Variants in RIPOR1 observed in about 807,000 individuals in gnomAD.
The protein encoded by RIPOR1 is rho family-interacting cell polarization regulator 1.
RIPOR1 carries 58 observed loss-of-function variants against 116.5 expected under a neutral mutation model. The observed-to-expected ratio is 0.50, with a 90% CI of 0.40 to 0.62. The LOEUF (loss-of-function observed/expected upper bound fraction) is 0.62, where lower values mean the gene tolerates loss of function less well. RIPOR1 is among the 20% of genes least tolerant of loss of function. RIPOR1 has a pLI of 0.00. For synonymous variants in RIPOR1, 605 were observed against 650.0 expected, an observed-to-expected ratio of 0.93 and a Z score of 1.05; for missense variants, 1,372 against 1,586.2, an observed-to-expected ratio of 0.86 and a Z score of 2.29.
At position 67,546,514 on chromosome 16, in the gene RIPOR1, C is replaced by T. The variant is rs772437549; in HGVS notation, c.*51C>T. ...CCCCTTTCCCCCCACTTTCAGGGCTCACCAGGCACTGGCAGGGAGGGTAAG... is the reference window on the plus strand; with the variant it reads ...CCCCTTTCCCCCCACTTTCAGGGCTTACCAGGCACTGGCAGGGAGGGTAAG... On this transcript the variant is annotated 3_prime_UTR_variant, in exon 22 of 22. Transcript: ENST00000042381. 44 of 1,489,458 alleles carry T rather than the reference C, an allele frequency of 3.0e-5. No individual in the cohort carries two copies. Among genetic ancestry groups the T allele is most frequent in the African/African-American group, 1.1e-4 (8 of 72,530 alleles). The allele number at this position is 1,489,458 out of a possible 1,614,324, so 92.3% of individuals were successfully genotyped here. A position where few individuals can be genotyped will look rare whatever the true frequency, so the allele number is the denominator to read the frequency against.
intron 1 of RIPOR1, among the ~76,000 whole-genome samples, chr16:67,532,688 A>G (rs770307379): frequency 2.0e-5 from 3 of 152,170 alleles, no homozygotes; most frequent in Non-Finnish European, 2.9e-5. Context: ...GTCTTGCCCA[A>G]GGTCACACAG....
Position 67,542,199 on chromosome 16 carries a change from A to G in RIPOR1, c.1413A>G (p.Glu471=). The part of the protein sequence containing the change: ...AEASVEAVGP[E]SLAWGPSPPT... ...CTTCAGTGGAGGCCGTTGGCCCAGA[A>G]AGCCTAGCCTGGGGACCTAGCCCAC... Residue 471 remains glutamate, a synonymous_variant, in exon 13 of 22, where the codon GAA becomes GAG. Coordinates refer to ENST00000042381, the MANE Select transcript of RIPOR1 (RefSeq NM_024519.4). The surrounding 1 kb of genome is among the most constrained non-coding windows in gnomAD (Gnocchi z 4.6). 4.3e-6 allele frequency: 7 copies of G among 1,613,734 alleles called. No homozygotes were observed. The highest frequency in any genetic ancestry group is 5.9e-6 in the Non-Finnish European group (7 of 1,179,798).
chr16:67,545,879 C>A lies in RIPOR1; in HGVS notation c.3387+19C>A, dbSNP rs1339016938. On this transcript the variant is annotated intron_variant, in intron 19 of 21. Coordinates refer to ENST00000042381, the MANE Select transcript of RIPOR1 (RefSeq NM_024519.4). This position sits in a 1 kb window ranked among gnomAD's most constrained non-coding sequence, Gnocchi z 4.8. Reference sequence around the variant, plus strand: ...GGAGAGGGTGAGTTGGACAGGGCTCCCTTGAGGGCGAGGGCTGGGGTCCTG... The same window carrying A: ...GGAGAGGGTGAGTTGGACAGGGCTCACTTGAGGGCGAGGGCTGGGGTCCTG... 1 of 1,610,228 alleles carries A rather than the reference C, an allele frequency of 6.2e-7. No homozygotes were observed. Among genetic ancestry groups the A allele is most frequent in the Non-Finnish European group, 8.5e-7 (1 of 1,177,800 alleles).
intron 1 of RIPOR1, among the ~76,000 whole-genome samples, chr16:67,532,363 C>G (rs1317081592): frequency 6.6e-6 from 1 of 151,812 alleles, no homozygotes; most frequent in Non-Finnish European, 1.5e-5. Context: ...ATGAACGCAC[C>G]ACTGCACTGA....
intron 4 of RIPOR1, 132 bp downstream of exon 4, chr16:67,539,200 G>A: frequency 1.3e-6 from 1 of 751,212 alleles, no homozygotes; most frequent in South Asian, 1.9e-5. Flanking sequence ...GGGATATCAG[G>A]AAAGGCTGAG....
chr16:67,544,313 C>T lies in RIPOR1; in HGVS notation c.2615C>T (p.Pro872Leu), dbSNP rs374638727. Residue 872 changes from proline to leucine, a missense_variant, in exon 15 of 22, where the codon CCG (proline) becomes CTG (leucine). This residue lies in a region of RIPOR1 where 1,005 missense variants were observed against 1,144.7 expected (regional missense o/e 0.88). Transcript: ENST00000042381. This position sits in a 1 kb window ranked among gnomAD's most constrained non-coding sequence, Gnocchi z 5.1. ...TTTTCCCTCAGGCCTCCAAGCAGCC[C>T]GGAGGCTGGGGCTGAGGACAGCATA... is the stretch of plus-strand genomic sequence containing the variant. Reference protein sequence around the residue: ...DVPGDRPPSSPEAGAEDSIDS... With the variant: ...DVPGDRPPSSLEAGAEDSIDS... 2.1e-5 allele frequency: 34 copies of T among 1,606,026 alleles called. No individual in the cohort carries two copies. The highest frequency in any genetic ancestry group is 1.7e-4 in the Middle Eastern group (1 of 6,038).
At chr16:67,527,909 C>CA (rs1194301935), upstream of RIPOR1, among the ~76,000 whole-genome samples, 2 of 149,022 alleles carry the variant, frequency 1.3e-5, no homozygotes, top group East Asian at 2.0e-4. Context: ...GCAAAACACA[C>CA]AAAAAAACAG....
In RIPOR1 at chr16:67,540,615, C is replaced by T. The variant is rs777251833; in HGVS notation, c.712C>T (p.Arg238Trp). 7.4e-6 allele frequency: 12 copies of T among 1,613,814 alleles called. No homozygotes were observed. In the Admixed American group the frequency reaches 1.2e-4, roughly 16 times the overall value. The change falls in exon 10 of 22, where the codon CGG becomes TGG. Residue 238 changes from arginine (R) to tryptophan (W), a missense_variant. Arg to Trp is a moderately radical substitution (Grantham distance 101, BLOSUM62 -3). Coordinates refer to ENST00000042381, the MANE Select transcript of RIPOR1 (RefSeq NM_024519.4). The surrounding 1 kb of genome is among the most constrained non-coding windows in gnomAD (Gnocchi z 4.7). Reference protein sequence around the residue: ...MKYGRQRWKLRGRIEGSGKQV... With the variant: ...MKYGRQRWKLWGRIEGSGKQV... ...ATATGGGCGTCAGCGCTGGAAACTA[C>T]GGGGCCGAATTGAGGGTAGTGGAAA...
rs2050857855 is a variant in RIPOR1, at chr16:67,538,236, A to T, written c.-23-188A>T. On this transcript the variant is annotated intron_variant, in intron 1 of 21. Coordinates refer to ENST00000042381, the MANE Select transcript of RIPOR1 (RefSeq NM_024519.4). ...CCGAGCCGAGGCCACGCTGAGTCCG[A>T]GGCCGAGTCGCCTGCGGCTGTCCTG... is the stretch of plus-strand genomic sequence containing the variant. The T allele has an allele frequency of 6.5e-6, 4 of 617,000 alleles. No individual in the cohort carries two copies. In the South Asian group the frequency reaches 1.4e-4, roughly 21 times the overall value. 38.2% of individuals were successfully genotyped at this position (617,000 alleles called of 1,614,324 possible). A position where few individuals can be genotyped will look rare whatever the true frequency, so the allele number is the denominator to read the frequency against.
rs752391414 is a variant in RIPOR1 at position 67,538,586 on chromosome 16, C to A, written c.104+36C>A. ...GCGCAGGGTTGGTGGGGTCAAAGGG[C>A]GTCAGATGGGGCTGGGTCTGGGGGT... On this transcript the variant is annotated intron_variant, in intron 2 of 21. Transcript: ENST00000042381. 3.7e-6 allele frequency: 6 copies of A among 1,608,882 alleles called. 1 individual carries two copies. In the South Asian group the frequency reaches 6.6e-5, roughly 18 times the overall value.
rs772946512 is a variant in RIPOR1, at chr16:67,543,106, G to T, written c.2320G>T (p.Val774Phe). The change falls in exon 13 of 22, where the codon GTC (valine) becomes TTC (phenylalanine). Residue 774 changes from valine to phenylalanine, a missense_variant. By Grantham distance (50) the Val-to-Phe change is conservative (BLOSUM62 -1). Transcript: ENST00000042381. This position sits in a 1 kb window ranked among gnomAD's most constrained non-coding sequence, Gnocchi z 4.7. The part of the protein sequence containing the change: ...QHSDLCLAMA[V>F]QTPVPTAAGG... ...TTCAGACCTTTGCCTGGCCATGGCT[G>T]TCCAGACCCCAGTCCCAACGGCAGC... 1.3e-6 allele frequency: 2 copies of T among 1,523,604 alleles called. No individual in the cohort carries two copies. Among genetic ancestry groups the T allele is most frequent in the Non-Finnish European group, 1.8e-6 (2 of 1,138,016 alleles). 94.4% of individuals were successfully genotyped at this position (1,523,604 alleles called of 1,614,324 possible).
In RIPOR1 at chr16:67,539,769, G is replaced by C; in HGVS notation, c.360+18G>C. 6.2e-7 allele frequency: 1 copy of C among 1,614,174 alleles called. No individual in the cohort carries two copies. The highest frequency in any genetic ancestry group is 1.1e-5 in the South Asian group (1 of 91,084). On this transcript the variant is annotated intron_variant, in intron 5 of 21. Coordinates refer to ENST00000042381, the MANE Select transcript of RIPOR1 (RefSeq NM_024519.4). ...TGGACAAGGTGAGTATGCATGGAAT[G>C]GTACTGGAAGGGGTTGGCTCACAGG...
chr16:67,541,516 G>C lies in RIPOR1; in HGVS notation c.888G>C (p.Gln296His), dbSNP rs2050982775. The C allele has an allele frequency of 1.9e-6, 3 of 1,614,090 alleles. No homozygotes were observed. The highest frequency in any genetic ancestry group is 2.5e-6 in the Non-Finnish European group (3 of 1,180,006). ...ETKDLFAALPQVVAVDINDLG... is the reference protein window; with the variant it reads ...ETKDLFAALPHVVAVDINDLG... ...AGGACCTGTTTGCCGCCCTGCCCCA[G>C]GTTGTGGCTGTGGATATCAATGACC... Residue 296 changes from glutamine (Q) to histidine (H), a missense_variant, in exon 11 of 22, where the codon CAG becomes CAC. Transcript: ENST00000042381. The surrounding 1 kb of genome is among the most constrained non-coding windows in gnomAD (Gnocchi z 4.6).
intron 1 of RIPOR1, among the ~76,000 whole-genome samples, chr16:67,521,462 GCCTT>G (rs1489398197): frequency 6.6e-6 from 1 of 152,220 alleles, no homozygotes; most frequent in Non-Finnish European, 1.5e-5. Context: ...ACACACTGCA[GCCTT>G]CCTTTGTCAG....
upstream of RIPOR1, among the ~76,000 whole-genome samples, chr16:67,526,730 C>A (rs1597613513): frequency 2.0e-5 from 3 of 152,174 alleles, no homozygotes; most frequent in African/African-American, 7.2e-5. Flanking sequence ...GCTGCCTGGC[C>A]ATGGTGAGCA....
In RIPOR1 at chr16:67,542,854, C is replaced by G; in HGVS notation, c.2068C>G (p.Pro690Ala). ...TCTAGAACTTGCTACCCTCTCCAGC[C>G]CCTCCAAACACTCAGACCCCACCCT... is the stretch of plus-strand genomic sequence containing the variant. Reference protein sequence around the residue: ...TSLELATLSSPSKHSDPTLPG... With the variant: ...TSLELATLSSASKHSDPTLPG... Residue 690 changes from proline to alanine, a missense_variant, in exon 13 of 22, where the codon CCC becomes GCC. Physicochemically the swap from Pro to Ala is conservative, Grantham distance 27 (BLOSUM62 -1). This residue lies in a region of RIPOR1 where 1,005 missense variants were observed against 1,144.7 expected (regional missense o/e 0.88). Coordinates refer to ENST00000042381, the MANE Select transcript of RIPOR1 (RefSeq NM_024519.4). The surrounding 1 kb of genome is among the most constrained non-coding windows in gnomAD (Gnocchi z 4.6). The G allele has an allele frequency of 6.2e-7, 1 of 1,613,914 alleles. No individual in the cohort carries two copies. The highest frequency in any genetic ancestry group is 1.7e-4 in the Middle Eastern group (1 of 6,058).
chr16:67,520,462 G>GA (rs750165682), intron 1 of RIPOR1, among the ~76,000 whole-genome samples: 1 of 151,504 alleles, frequency 6.6e-6, no homozygotes, highest in Non-Finnish European at 1.5e-5. Context: ...GAAGAGAAGA[G>GA]AAAAAAGAAA....
intron 1 of RIPOR1, among the ~76,000 whole-genome samples, chr16:67,519,605 TG>T (rs1163261249): frequency 1.3e-5 from 2 of 152,016 alleles, no homozygotes; most frequent in Non-Finnish European, 2.9e-5. Flanking sequence ...GGAAGAGGTC[TG>T]GGGAAAGATT....
At chr16:67,546,106 C>T in intron 20 of RIPOR1, 35 bp from the exon 21 acceptor site, 1 of 1,611,250 alleles carries the variant, frequency 6.2e-7, no homozygotes, top group South Asian at 1.1e-5. Flanking sequence ...CCATCTGCTC[C>T]CCTGAGCCCA....
Sources: allele counts gnomAD v4.1 joint callset (sites outside exome capture counted in the v4.1 genomes callset), GRCh38; gene constraint gnomAD v4.1.1; regional missense constraint gnomAD v4.1.1; non-coding constraint Gnocchi (gnomAD v3.1); transcripts MANE v1.5; gene names NCBI Gene and HGNC (gene_info 2026-07-23, HGNC 2026-07-21).